The following PDCD1LG2 variants were observed in gnomAD, a reference collection of about 807,000 sequenced individuals.
The protein encoded by PDCD1LG2 is programmed cell death 1 ligand 2, also known as B7 dendritic cell molecule.
PDCD1LG2 carries 32 observed loss-of-function variants against 28.2 expected under a neutral mutation model. The observed-to-expected ratio is 1.13, with a 90% CI of 0.86 to 1.52. PDCD1LG2 has a LOEUF of 1.52. Among genes scored for constraint, PDCD1LG2 ranks in the 40% most tolerant of loss-of-function variants. PDCD1LG2 has a pLI of 0.00. For missense variants in PDCD1LG2, 385 were observed against 323.8 expected, an observed-to-expected ratio of 1.19 and a Z score of -1.45; for synonymous variants, 116 against 120.2, an observed-to-expected ratio of 0.97 and a Z score of 0.23.
intron 6 of PDCD1LG2, among the ~76,000 whole-genome samples, chr9:5,568,737 G>T (rs59714619): frequency 0.1 from 15,836 of 152,236 alleles, 859 homozygotes; most frequent in South Asian, 0.21. Flanking sequence ...TTGTCTCAGG[G>T]AGGGAGGAGA....
intron 4 of PDCD1LG2, among the ~76,000 whole-genome samples, chr9:5,556,588 C>T (rs1200254705): frequency 2.0e-5 from 3 of 152,154 alleles, no homozygotes; most frequent in African/African-American, 7.2e-5. Context: ...AATCTCTTCT[C>T]CAGTAAAACA....
intron 4 of PDCD1LG2, among the ~76,000 whole-genome samples, chr9:5,554,710 A>G (rs1354799194): frequency 6.6e-6 from 1 of 152,246 alleles, no homozygotes; most frequent in East Asian, 1.9e-4. Flanking sequence ...CTACAGCACA[A>G]AAAATAAATA....
chr9:5,551,744 G>C (rs776212821), intron 4 of PDCD1LG2, among the ~76,000 whole-genome samples: 1 of 152,182 alleles, frequency 6.6e-6, no homozygotes, highest in Non-Finnish European at 1.5e-5. Context: ...TTCTACCCCA[G>C]CTGGCTGAAG....
At position 5,545,455 on chromosome 9, in the gene PDCD1LG2, G is replaced by A. The variant is rs932340176; in HGVS notation, c.362-3880G>A. 2.0e-5 allele frequency among the ~76,000 whole-genome samples: 3 copies of A among 152,232 alleles called. No homozygotes were observed. In the South Asian group the frequency reaches 6.2e-4, roughly 32 times the overall value. Reference sequence around the variant, plus strand: ...GCAAAGACTGCTTCTAGAGGAAGTAGGAGTTTCCATTCATAGATGTTTTCA... The same window carrying A: ...GCAAAGACTGCTTCTAGAGGAAGTAAGAGTTTCCATTCATAGATGTTTTCA... On this transcript the variant is annotated intron_variant, in intron 3 of 6. Coordinates refer to ENST00000397747, the MANE Select transcript of PDCD1LG2 (RefSeq NM_025239.4).
At chr9:5,518,879 C>A (rs559171415) in intron 1 of PDCD1LG2, among the ~76,000 whole-genome samples, 1 of 152,336 alleles carries the variant, frequency 6.6e-6, no homozygotes, top group African/African-American at 2.4e-5. Flanking sequence ...AAATGCAACT[C>A]TCAAGAGTAT....
At chr9:5,566,516 C>T (rs1014126407) in intron 6 of PDCD1LG2, among the ~76,000 whole-genome samples, 1 of 152,136 alleles carries the variant, frequency 6.6e-6, no homozygotes, top group African/African-American at 2.4e-5. Context: ...ATATGCTTTG[C>T]CATATTTTCT....
chr9:5,557,012 C>T (rs1246119098), intron 4 of PDCD1LG2, among the ~76,000 whole-genome samples: 1 of 152,206 alleles, frequency 6.6e-6, no homozygotes, highest in Non-Finnish European at 1.5e-5. Context: ...CACACTAAGG[C>T]ATGAGTGACT....
intron 4 of PDCD1LG2, among the ~76,000 whole-genome samples, chr9:5,552,753 T>G (rs577727510): frequency 1.5e-3 from 228 of 152,342 alleles, no homozygotes; most frequent in African/African-American, 5.4e-3. Context: ...TGGTATTTTC[T>G]TCTGGAAAAA....
chr9:5,523,833 G>A (rs1208504992), intron 2 of PDCD1LG2, among the ~76,000 whole-genome samples: 1 of 152,110 alleles, frequency 6.6e-6, no homozygotes, highest in Non-Finnish European at 1.5e-5. Flanking sequence ...AACCTCTGTG[G>A]GTTTGTAGCT....
intron 1 of PDCD1LG2, 62 bp from the exon 2 acceptor site, chr9:5,522,471 C>G: frequency 7.5e-7 from 1 of 1,326,966 alleles, no homozygotes; most frequent in Admixed American, 1.9e-5. Context: ...CAAAAGTGAA[C>G]AAAGAACCAA....
At chr9:5,560,693 T>C (rs1174152911) in intron 5 of PDCD1LG2, among the ~76,000 whole-genome samples, 1 of 152,172 alleles carries the variant, frequency 6.6e-6, no homozygotes, top group South Asian at 2.1e-4. Context: ...ATTGGTATCC[T>C]GAATTTCTTA....
chr9:5,558,712 A>T (rs1002284078), intron 5 of PDCD1LG2, among the ~76,000 whole-genome samples: 1 of 152,218 alleles, frequency 6.6e-6, no homozygotes, highest in African/African-American at 2.4e-5. Context: ...CCATTGCCCT[A>T]TGTGTGTATG....
chr9:5,523,618 G>A (rs1156905352), intron 2 of PDCD1LG2, among the ~76,000 whole-genome samples: 1 of 152,210 alleles, frequency 6.6e-6, no homozygotes, highest in African/African-American at 2.4e-5. Context: ...TGCCTGCAGG[G>A]CCAGCTAAAG....
At position 5,541,607 on chromosome 9, in the gene PDCD1LG2, T is replaced by C. The variant is rs147766290; in HGVS notation, c.361+6557T>C. ...AAAATAAAATACTTAGGAATATACC[T>C]AACGAAGGACATGAAAGACCTCTAC... is the stretch of plus-strand genomic sequence containing the variant. On this transcript the variant is annotated intron_variant, in intron 3 of 6. Transcript: ENST00000397747. 2.9e-3 allele frequency among the ~76,000 whole-genome samples: 443 copies of C among 152,154 alleles called. 1 individual carries two copies. The highest frequency in any genetic ancestry group is 0.01 in the African/African-American group (429 of 41,518).
At chr9:5,517,027 C>G (rs1471993433) in intron 1 of PDCD1LG2, among the ~76,000 whole-genome samples, 1 of 152,246 alleles carries the variant, frequency 6.6e-6, no homozygotes, top group Non-Finnish European at 1.5e-5. Context: ...CACACCTCCA[C>G]TGCTGCAGCT....
intron 1 of PDCD1LG2, among the ~76,000 whole-genome samples, chr9:5,517,868 G>T (rs1048685515): frequency 5.9e-5 from 9 of 152,184 alleles, no homozygotes; most frequent in African/African-American, 2.2e-4. Flanking sequence ...ACCTCAATAA[G>T]TGGAGGATGG....
chr9:5,564,140 G>A (rs1299057913), intron 6 of PDCD1LG2, among the ~76,000 whole-genome samples: 1 of 152,208 alleles, frequency 6.6e-6, no homozygotes, highest in Non-Finnish European at 1.5e-5. Context: ...TTTATAAACA[G>A]AAGTAAGTAA....
Position 5,547,482 on chromosome 9 carries a change from G to A in PDCD1LG2, c.362-1853G>A, listed in dbSNP as rs993230037. Among the ~76,000 whole-genome samples the A allele has an allele frequency of 8.5e-5, 13 of 152,056 alleles. 1 individual carries two copies. Among genetic ancestry groups the A allele is most frequent in the Non-Finnish European group, 8.8e-5 (6 of 67,984 alleles). ...TAAGACCACTGGAAGGTTTGTTCTT[G>A]TGTCTTCTAGTCTCTTGGAATATCA... On this transcript the variant is annotated intron_variant, in intron 3 of 6. Transcript: ENST00000397747.
At chr9:5,535,873 A>G (rs957228639) in intron 3 of PDCD1LG2, among the ~76,000 whole-genome samples, 2 of 152,202 alleles carry the variant, frequency 1.3e-5, no homozygotes, top group African/African-American at 4.8e-5. Flanking sequence ...TTTGTTCTAG[A>G]AAAGGTGATT....
Sources: gnomAD v4.1 joint callset for allele counts (sites outside exome capture counted in the v4.1 genomes callset) on GRCh38, gnomAD v4.1.1 for gene constraint, MANE v1.5 for transcripts, NCBI Gene and HGNC (gene_info 2026-07-23, HGNC 2026-07-21) for gene names.